TAFA5: variants seen among roughly 807,000 people sequenced by gnomAD.
The protein encoded by TAFA5 is TAFA chemokine like family member 5.
A neutral mutation model predicts 15.3 loss-of-function variants in TAFA5; 6 were observed. The ratio of observed to expected loss-of-function variants is 0.39; its 90% CI spans 0.21 to 0.77. The LOEUF is 0.77. TAFA5 is among the 30% of genes least tolerant of loss of function. TAFA5 has a pLI of 0.41. For missense variants in TAFA5, 161 were observed against 193.1 expected (o/e 0.83, Z 0.98); for synonymous variants, 103 against 80.7 (o/e 1.28, Z -1.48).
At chr22:48,670,606 G>A (rs1411847594) in intron 2 of TAFA5, among the ~76,000 whole-genome samples, 5 of 152,386 alleles carry the variant, frequency 3.3e-5, no homozygotes, top group South Asian at 2.1e-4. Flanking sequence ...AGCAGTAGCC[G>A]CGTGGCCTGG....
chr22:48,527,805 G>A (rs1042976222), intron 1 of TAFA5, among the ~76,000 whole-genome samples: 44 of 152,206 alleles, frequency 2.9e-4, no homozygotes, highest in African/African-American at 5.3e-4. Context: ...TGGTGGCCGG[G>A]AGGTCAGAGG....
chr22:48,571,581 T>G (rs866043550), intron 1 of TAFA5, among the ~76,000 whole-genome samples: 131 of 126,786 alleles, frequency 1.0e-3, no homozygotes, highest in Admixed American at 1.9e-3. Context: ...CCTGTTTTTT[T>G]TTTTTTTTTT....
intron 3 of TAFA5, among the ~76,000 whole-genome samples, chr22:48,725,751 G>T (rs944431485): frequency 5.4e-5 from 8 of 148,132 alleles, no homozygotes; most frequent in Non-Finnish European, 1.2e-4. Context: ...GCAAGGAAAT[G>T]GAACAAAACA....
chr22:48,556,402 C>G (rs184119265), intron 1 of TAFA5, among the ~76,000 whole-genome samples: 1 of 152,198 alleles, frequency 6.6e-6, no homozygotes. Flanking sequence ...CAGAGGCTCC[C>G]GGAATTACAT....
intron 1 of TAFA5, among the ~76,000 whole-genome samples, chr22:48,591,799 C>T (rs148612346): frequency 1.3e-4 from 20 of 152,304 alleles, no homozygotes; most frequent in Non-Finnish European, 2.5e-4. Flanking sequence ...GGAGGAGGCA[C>T]TGGGCTCGCG....
intron 2 of TAFA5, among the ~76,000 whole-genome samples, chr22:48,701,271 G>C (rs78135353): frequency 0.044 from 6,623 of 152,192 alleles, 447 homozygotes; most frequent in African/African-American, 0.14. Flanking sequence ...CACCCTGCAT[G>C]CGTGTCCTCC....
chr22:48,749,940 C>A lies in TAFA5; in HGVS notation c.*93C>A. The A allele has an allele frequency of 1.7e-6, 2 of 1,200,146 alleles. No homozygotes were observed. The highest frequency in any genetic ancestry group is 1.5e-5 in the African/African-American group (1 of 66,508). The allele number at this position is 1,200,146 out of a possible 1,614,324, so 74.3% of individuals were successfully genotyped here. Reference sequence around the variant, plus strand: ...GTTCTCCACTCGCCTCGGACTTCACCCGTTCTCTGCCGCCCGCCCACTCCG... The same window carrying A: ...GTTCTCCACTCGCCTCGGACTTCACACGTTCTCTGCCGCCCGCCCACTCCG... On this transcript the variant is annotated 3_prime_UTR_variant, in exon 4 of 4. Transcript: ENST00000402357.
At chr22:48,743,595 A>G (rs561241045) in intron 3 of TAFA5, among the ~76,000 whole-genome samples, 43 of 152,166 alleles carry the variant, frequency 2.8e-4, no homozygotes, top group Non-Finnish European at 4.1e-4. Flanking sequence ...TCCTGAGCTC[A>G]TGGAGGAGGG....
intron 1 of TAFA5, among the ~76,000 whole-genome samples, chr22:48,632,148 C>T (rs1377036744): frequency 6.6e-6 from 1 of 152,202 alleles, no homozygotes; most frequent in East Asian, 1.9e-4. Flanking sequence ...GCAGGTGTTT[C>T]CTGTGGGCCC....
At chr22:48,522,586 G>A (rs751307497) in intron 1 of TAFA5, among the ~76,000 whole-genome samples, 9 of 152,176 alleles carry the variant, frequency 5.9e-5, no homozygotes, top group Admixed American at 1.3e-4. Context: ...CCCCAACCTC[G>A]AGAGGCAACC....
At chr22:48,517,192 G>T (rs1921441261) in intron 1 of TAFA5, among the ~76,000 whole-genome samples, 1 of 152,122 alleles carries the variant, frequency 6.6e-6, no homozygotes, top group African/African-American at 2.4e-5. Context: ...TCCAGACTGG[G>T]CACTCGGACG....
chr22:48,628,782 C>T (rs1926111156), intron 1 of TAFA5, among the ~76,000 whole-genome samples: 1 of 152,232 alleles, frequency 6.6e-6, no homozygotes, highest in Admixed American at 6.5e-5. Flanking sequence ...CTGCAAACAG[C>T]TCCGCGGCCA....
chr22:48,579,516 C>T (rs1032669386), intron 1 of TAFA5, among the ~76,000 whole-genome samples: 2 of 152,204 alleles, frequency 1.3e-5, no homozygotes, highest in African/African-American at 4.8e-5. Flanking sequence ...CCGGCCGCTT[C>T]CTTAGGGTGC....
At chr22:48,700,636 CGTGGATGTGCAT>C (rs1167847064) in intron 2 of TAFA5, among the ~76,000 whole-genome samples, 1 of 152,132 alleles carries the variant, frequency 6.6e-6, no homozygotes, top group Non-Finnish European at 1.5e-5. Context: ...TGAGTGTGCA[CGTGGATGTGCAT>C]GTTTGCCTGT....
rs552155513 is a variant in TAFA5 at position 48,539,938 on chromosome 22, A to T, written c.112+50234A>T. ...GGGAGGGGATGGGGCCTTGCCAGGG[A>T]GAGGAGTTTGGTTCGATTCCAGCAC... On this transcript the variant is annotated intron_variant, in intron 1 of 3. Transcript: ENST00000402357. Among the ~76,000 whole-genome samples the T allele has an allele frequency of 2.0e-3, 303 of 151,994 alleles. 1 individual carries two copies. The highest frequency in any genetic ancestry group is 6.9e-3 in the African/African-American group (286 of 41,454).
At chr22:48,710,815 G>C (rs1929228432) in intron 3 of TAFA5, among the ~76,000 whole-genome samples, 1 of 152,210 alleles carries the variant, frequency 6.6e-6, no homozygotes, top group African/African-American at 2.4e-5. Context: ...GGAGATGGCT[G>C]CAGACTCCCT....
chr22:48,627,599 C>A (rs567350500), intron 1 of TAFA5, among the ~76,000 whole-genome samples: 5 of 152,362 alleles, frequency 3.3e-5, no homozygotes, highest in Admixed American at 2.6e-4. Context: ...TTAATGGGGG[C>A]GAGTAGCAGG....
intron 2 of TAFA5, among the ~76,000 whole-genome samples, chr22:48,661,598 G>A (rs959594175): frequency 1.3e-5 from 2 of 152,192 alleles, no homozygotes; most frequent in African/African-American, 4.8e-5. Context: ...CCCGCCCTAT[G>A]GGGACAGTGC....
chr22:48,515,330 G>A (rs1461543753), intron 1 of TAFA5, among the ~76,000 whole-genome samples: 1 of 152,228 alleles, frequency 6.6e-6, no homozygotes, highest in African/African-American at 2.4e-5. Flanking sequence ...CGCAGGCAGC[G>A]TCCTCTCAGC....
Sources: allele counts gnomAD v4.1 joint callset (sites outside exome capture counted in the v4.1 genomes callset), GRCh38; gene constraint gnomAD v4.1.1; transcripts MANE v1.5; gene names NCBI Gene and HGNC (gene_info 2026-07-23, HGNC 2026-07-21).